Variants in PGPEP1L observed in about 807,000 individuals in gnomAD.
PGPEP1L encodes pyroglutamyl-peptidase 1-like protein.
Under a neutral mutation model 6.0 loss-of-function variants are expected in PGPEP1L, and 7 were observed. The ratio of observed to expected loss-of-function variants is 1.17; its 90% CI spans 0.66 to 2.19. The LOEUF (loss-of-function observed/expected upper bound fraction) is 2.19, where lower values mean the gene tolerates loss of function less well. Among genes scored for constraint, PGPEP1L ranks in the 30% most tolerant of loss-of-function variants. The probability of loss-of-function intolerance (pLI) is 0.00; values close to 1 mark genes in which losing one functional copy is unlikely to be tolerated. For missense variants in PGPEP1L, 209 were observed against 192.5 expected, an observed-to-expected ratio of 1.09 and a Z score of -0.51; for synonymous variants, 103 against 83.9, an observed-to-expected ratio of 1.23 and a Z score of -1.24.
At chr15:99,003,240 C>A (rs2018000912) in intron 2 of PGPEP1L, among the ~76,000 whole-genome samples, 1 of 149,044 alleles carries the variant, frequency 6.7e-6, no homozygotes, top group African/African-American at 2.5e-5. Flanking sequence ...CAGGTACCTC[C>A]TGGGATAATA....
chr15:98,984,541 A>G (rs932822698), intron 2 of PGPEP1L, among the ~76,000 whole-genome samples: 1 of 152,186 alleles, frequency 6.6e-6, no homozygotes, highest in African/African-American at 2.4e-5. Flanking sequence ...TATTCAGCCC[A>G]TCTAAGTCTA....
intron 2 of PGPEP1L, among the ~76,000 whole-genome samples, chr15:98,982,344 T>C (rs1398372930): frequency 6.9e-6 from 1 of 143,906 alleles, no homozygotes; most frequent in Non-Finnish European, 1.5e-5. Context: ...CCCCATATTC[T>C]TGTGGATTCT....
chr15:98,968,575 A>ACGAC lies in PGPEP1L; in HGVS notation c.331_332insGTCG (p.Val111GlyfsTer41), dbSNP rs5814919. 6.2e-7 allele frequency: 1 copy of ACGAC among 1,610,944 alleles called. No homozygotes were observed. The highest frequency in any genetic ancestry group is 2.2e-5 in the East Asian group (1 of 44,796). On this transcript the variant is annotated frameshift_variant, in exon 5 of 5. Coordinates refer to ENST00000535714, the MANE Select transcript of PGPEP1L (RefSeq NM_001167902.2). LOFTEE classifies it low-confidence loss of function (END_TRUNC). ...CTCTTCCAGCATTTCCTGGATGATG[A>ACGAC]CTCTCAAGGCTCTTCCCAGCAGGCT...
intron 3 of PGPEP1L, among the ~76,000 whole-genome samples, chr15:98,970,571 A>G (rs2017479249): frequency 1.3e-5 from 2 of 151,604 alleles, no homozygotes; most frequent in African/African-American, 4.9e-5. Context: ...GTGGGGTTGT[A>G]TCTGTTTTTT....
At chr15:98,972,611 G>A (rs2017514034) in intron 2 of PGPEP1L, among the ~76,000 whole-genome samples, 1 of 151,996 alleles carries the variant, frequency 6.6e-6, no homozygotes, top group Admixed American at 6.6e-5. Flanking sequence ...GCTCACGCCT[G>A]TAATCGCAGC....
chr15:98,986,540 G>T (rs1426278284), intron 2 of PGPEP1L, among the ~76,000 whole-genome samples: 1 of 152,238 alleles, frequency 6.6e-6, no homozygotes, highest in Non-Finnish European at 1.5e-5. Flanking sequence ...CCTTCATAAT[G>T]AAACTGCAAT....
At chr15:98,990,670 GCAC>G (rs1555471954) in intron 2 of PGPEP1L, among the ~76,000 whole-genome samples, 5 of 152,242 alleles carry the variant, frequency 3.3e-5, no homozygotes, top group African/African-American at 9.6e-5. Flanking sequence ...ATTCTTCTCA[GCAC>G]CACATCACAC....
intron 2 of PGPEP1L, among the ~76,000 whole-genome samples, chr15:98,971,897 TGTGG>T (rs1261649978): frequency 6.6e-6 from 1 of 152,198 alleles, no homozygotes; most frequent in Non-Finnish European, 1.5e-5. Flanking sequence ...AAGTCAAAAA[TGTGG>T]GTGAAGGTTG....
chr15:98,973,027 C>G (rs1171045167), intron 2 of PGPEP1L, among the ~76,000 whole-genome samples: 1 of 151,408 alleles, frequency 6.6e-6, no homozygotes, highest in Admixed American at 6.6e-5. Flanking sequence ...ATATTCCATG[C>G]AAACAGAAAC....
chr15:99,002,043 A>T (rs1303960309), intron 2 of PGPEP1L, among the ~76,000 whole-genome samples: 2 of 151,678 alleles, frequency 1.3e-5, no homozygotes, highest in Admixed American at 6.6e-5. Flanking sequence ...ACAGGATCTC[A>T]CTCTGTCATG....
At chr15:98,986,969 C>T in intron 2 of PGPEP1L, among the ~76,000 whole-genome samples, 1 of 151,750 alleles carries the variant, frequency 6.6e-6, no homozygotes, top group Non-Finnish European at 1.5e-5. Flanking sequence ...GAGATGGAGA[C>T]CAGCCTGGCC....
chr15:98,997,377 T>C (rs907696372), intron 2 of PGPEP1L, among the ~76,000 whole-genome samples: 25 of 152,204 alleles, frequency 1.6e-4, no homozygotes, highest in African/African-American at 5.8e-4. Flanking sequence ...TGCTGCATTT[T>C]CAGCTTGACC....
At chr15:98,996,446 A>G (rs1474015688) in intron 2 of PGPEP1L, among the ~76,000 whole-genome samples, 1 of 151,890 alleles carries the variant, frequency 6.6e-6, no homozygotes, top group African/African-American at 2.4e-5. Context: ...CTAACCACTC[A>G]CTCACCTCAG....
At chr15:99,003,794 G>A (rs1312785428) in intron 2 of PGPEP1L, among the ~76,000 whole-genome samples, 2 of 147,444 alleles carry the variant, frequency 1.4e-5, no homozygotes, top group Non-Finnish European at 3.0e-5. Flanking sequence ...ACAAAGGCAG[G>A]GGTCAGTGTG....
chr15:98,999,768 T>C (rs1398514575), intron 2 of PGPEP1L, among the ~76,000 whole-genome samples: 1 of 152,246 alleles, frequency 6.6e-6, no homozygotes, highest in Non-Finnish European at 1.5e-5. Context: ...AACATCAAAA[T>C]GTCCATCAAC....
intron 2 of PGPEP1L, among the ~76,000 whole-genome samples, chr15:98,993,836 G>GA (rs58824142): frequency 0.65 from 98,351 of 150,278 alleles, 33,084 homozygotes; most frequent in Non-Finnish European, 0.75. Flanking sequence ...ACAATTACAT[G>GA]AAAAAAAAAG....
At chr15:98,974,628 G>A (rs2017543087) in intron 2 of PGPEP1L, among the ~76,000 whole-genome samples, 1 of 152,200 alleles carries the variant, frequency 6.6e-6, no homozygotes, top group African/African-American at 2.4e-5. Context: ...CGGGCGCGGT[G>A]GCTCATGCCT....
chr15:98,989,513 C>G (rs1376066947), intron 2 of PGPEP1L, among the ~76,000 whole-genome samples: 2 of 152,138 alleles, frequency 1.3e-5, no homozygotes, highest in African/African-American at 4.8e-5. Flanking sequence ...ATTGGTGTAC[C>G]TGAAAAGTGA....
Position 98,984,112 on chromosome 15 carries a change from A to G in PGPEP1L, c.-141-12954T>C, listed in dbSNP as rs919817319. Among the ~76,000 whole-genome samples, 9 of 144,942 alleles carry G rather than the reference A, an allele frequency of 6.2e-5. No individual in the cohort carries two copies. The South Asian group carries it at 8.5e-4, about 14-fold the overall frequency. On this transcript the variant is annotated intron_variant, in intron 2 of 4. Transcript: ENST00000535714. ...TGCAAGATCTGCTTCCCGGGTTCAC[A>G]CCATTCTCCTGCCTCAGCCTCCCAA... is the stretch of plus-strand genomic sequence containing the variant.
Sources: allele counts gnomAD v4.1 joint callset (sites outside exome capture counted in the v4.1 genomes callset), GRCh38; gene constraint gnomAD v4.1.1; transcripts MANE v1.5; gene names NCBI Gene and HGNC (gene_info 2026-07-23, HGNC 2026-07-21).